CRPPA: variants seen among roughly 807,000 people sequenced by gnomAD.
CRPPA encodes CDP-L-ribitol pyrophosphorylase A.
In CRPPA, 43 loss-of-function variants were observed where a neutral mutation model predicts 52.0. The observed-to-expected ratio is 0.83, with a 90% CI of 0.65 to 1.07. The LOEUF (loss-of-function observed/expected upper bound fraction) is 1.07. Ranked by LOEUF, CRPPA falls within the 50% of genes least tolerant of loss-of-function variation. The pLI is 0.00. For missense variants in CRPPA, 629 were observed against 551.7 expected (o/e 1.14, Z -1.40); for synonymous variants, 250 against 203.5 (o/e 1.23, Z -1.94).
At chr7:16,296,697 C>T (rs1784681899) in intron 5 of CRPPA, among the ~76,000 whole-genome samples, 1 of 151,556 alleles carries the variant, frequency 6.6e-6, no homozygotes, top group Non-Finnish European at 1.5e-5. Flanking sequence ...CCAGAACTAA[C>T]AACAACAGAA....
intron 8 of CRPPA, among the ~76,000 whole-genome samples, chr7:16,247,359 T>C (rs367810740): frequency 1.2e-4 from 19 of 152,174 alleles, no homozygotes; most frequent in African/African-American, 4.6e-4. Flanking sequence ...GGGTTATTAA[T>C]TGGCCTGATT....
chr7:16,278,627 C>G (rs1377757649), intron 5 of CRPPA, among the ~76,000 whole-genome samples: 1 of 152,188 alleles, frequency 6.6e-6, no homozygotes, highest in Non-Finnish European at 1.5e-5. Flanking sequence ...AGGTTATCTC[C>G]TGTGCACAGA....
intron 6 of CRPPA, among the ~76,000 whole-genome samples, chr7:16,268,060 A>T (rs1244865271): frequency 6.6e-6 from 1 of 152,096 alleles, no homozygotes; most frequent in African/African-American, 2.4e-5. Context: ...AAATTGAGGG[A>T]CAACTGTATA....
chr7:16,310,604 G>A (rs1785013402), intron 3 of CRPPA, among the ~76,000 whole-genome samples: 1 of 152,106 alleles, frequency 6.6e-6, no homozygotes, highest in Non-Finnish European at 1.5e-5. Context: ...AAAGGAAAGA[G>A]TCGTGTGACT....
intron 9 of CRPPA, among the ~76,000 whole-genome samples, chr7:16,196,954 C>T (rs143017272): frequency 6.4e-4 from 97 of 151,896 alleles, no homozygotes; most frequent in African/African-American, 2.1e-3. Flanking sequence ...CAAATGCTGA[C>T]GCTCATGTTT....
chr7:16,247,376 T>C (rs1223263026), intron 8 of CRPPA, among the ~76,000 whole-genome samples: 6 of 152,180 alleles, frequency 3.9e-5, no homozygotes, highest in Non-Finnish European at 7.3e-5. Context: ...GATTTCAGTA[T>C]TGTTTTGTTT....
chr7:16,395,909 AG>A (rs989729689), intron 2 of CRPPA, among the ~76,000 whole-genome samples: 24 of 152,348 alleles, frequency 1.6e-4, no homozygotes, highest in African/African-American at 5.5e-4. Flanking sequence ...GCAAAGCAAA[AG>A]CTTTTTCACA....
chr7:16,387,088 C>CATATATAT (rs1305950837), intron 2 of CRPPA, among the ~76,000 whole-genome samples: 1 of 34,794 alleles, frequency 2.9e-5, no homozygotes, highest in African/African-American at 1.1e-4. Context: ...TATATATATA[C>CATATATAT]ACACATATAT....
intron 2 of CRPPA, among the ~76,000 whole-genome samples, chr7:16,399,190 CGACT>C (rs1161090594): frequency 6.6e-6 from 1 of 152,216 alleles, no homozygotes; most frequent in African/African-American, 2.4e-5. Context: ...ACGATTCACA[CGACT>C]GACATGACCA....
At chr7:16,397,198 C>G (rs376951666) in intron 2 of CRPPA, among the ~76,000 whole-genome samples, 36 of 152,340 alleles carry the variant, frequency 2.4e-4, no homozygotes, top group African/African-American at 6.5e-4. Flanking sequence ...ACGTGATGGA[C>G]GTGTGACACG....
chr7:16,280,906 G>C (rs1784307504), intron 5 of CRPPA, among the ~76,000 whole-genome samples: 1 of 152,132 alleles, frequency 6.6e-6, no homozygotes, highest in Non-Finnish European at 1.5e-5. Flanking sequence ...TGTAGTCCCA[G>C]CTACGCAGGA....
intron 8 of CRPPA, among the ~76,000 whole-genome samples, chr7:16,238,351 A>G (rs1783005741): frequency 6.6e-6 from 1 of 152,224 alleles, no homozygotes; most frequent in Non-Finnish European, 1.5e-5. Flanking sequence ...GAATAAGATC[A>G]TTCCCTGCCA....
intron 3 of CRPPA, among the ~76,000 whole-genome samples, chr7:16,313,867 G>A (rs749718503): frequency 1.3e-5 from 2 of 151,880 alleles, no homozygotes; most frequent in Non-Finnish European, 2.9e-5. Flanking sequence ...CTGAGAGTAG[G>A]CCTTGTGTTA....
At chr7:16,301,701 C>T (rs972838508) in intron 4 of CRPPA, among the ~76,000 whole-genome samples, 1 of 151,744 alleles carries the variant, frequency 6.6e-6, no homozygotes, top group African/African-American at 2.4e-5. Flanking sequence ...CAGTTGTTAC[C>T]GAAATCTTAA....
At chr7:16,287,677 T>A (rs2128420096) in intron 5 of CRPPA, among the ~76,000 whole-genome samples, 2 of 152,238 alleles carry the variant, frequency 1.3e-5, no homozygotes, top group South Asian at 4.1e-4. Flanking sequence ...ATCCCAGCAC[T>A]TTGGAAGGCC....
intron 9 of CRPPA, among the ~76,000 whole-genome samples, chr7:16,174,840 C>T (rs1781262821): frequency 6.6e-6 from 1 of 152,156 alleles, no homozygotes; most frequent in South Asian, 2.1e-4. Flanking sequence ...TTACATTATT[C>T]AGCAAAGAGC....
At chr7:16,350,790 T>C (rs1423904622) in intron 3 of CRPPA, among the ~76,000 whole-genome samples, 1 of 152,136 alleles carries the variant, frequency 6.6e-6, no homozygotes, top group African/African-American at 2.4e-5. Flanking sequence ...ATGCACTGAA[T>C]GATCTAATCA....
At chr7:16,215,713 A>C (rs1462852547) in intron 9 of CRPPA, among the ~76,000 whole-genome samples, 2 of 152,230 alleles carry the variant, frequency 1.3e-5, no homozygotes, top group African/African-American at 2.4e-5. Flanking sequence ...ATTTTATTAG[A>C]TTTGAAATTC....
intron 2 of CRPPA, among the ~76,000 whole-genome samples, chr7:16,397,628 G>T (rs1472484167): frequency 1.3e-5 from 2 of 152,058 alleles, no homozygotes; most frequent in Admixed American, 6.6e-5. Flanking sequence ...TGACCAACAC[G>T]TGTGTGACAC....
Sources: allele counts gnomAD v4.1 joint callset (sites outside exome capture counted in the v4.1 genomes callset), GRCh38; gene constraint gnomAD v4.1.1; transcripts MANE v1.5; gene names NCBI Gene and HGNC (gene_info 2026-07-23, HGNC 2026-07-21).